ANKFN1: variants seen among roughly 807,000 people sequenced by gnomAD.
The protein encoded by ANKFN1 is ankyrin repeat and fibronectin type III domain containing 1.
A neutral mutation model predicts 108.7 loss-of-function variants in ANKFN1; 74 were observed. The observed-to-expected ratio is 0.68, with a 90% CI of 0.56 to 0.83. The LOEUF is 0.83. ANKFN1 is among the 40% of genes least tolerant of loss of function. ANKFN1 has a pLI of 0.00. For synonymous variants in ANKFN1, 547 were observed against 516.2 expected, an observed-to-expected ratio of 1.06 and a Z score of -0.81; for missense variants, 1,505 against 1,382.3, an observed-to-expected ratio of 1.09 and a Z score of -1.41.
rs531826225 is a variant in ANKFN1 at position 56,107,659 on chromosome 17, C to T, written c.288+61334C>T. ...TCCAGGGGGAATTGCTCCACATTAT[C>T]CAAACTTGCCTTTTCTCTCAGTCCA... On this transcript the variant is annotated intron_variant, in intron 4 of 12. Coordinates refer to the ANKFN1 transcript ENST00000635860. Among the ~76,000 whole-genome samples, 4 of 152,158 alleles carry T rather than the reference C, an allele frequency of 2.6e-5. No homozygotes were observed. In the South Asian group the frequency reaches 8.3e-4, roughly 32 times the overall value.
chr17:56,477,814 GT>G (rs1002770633), intron 16 of ANKFN1, among the ~76,000 whole-genome samples, 160 bp downstream of exon 16: 39 of 150,954 alleles, frequency 2.6e-4, no homozygotes, highest in African/African-American at 8.3e-4. Context: ...TAGTTTTGGG[GT>G]TTTTTTTTGT....
rs111737647 is a variant in ANKFN1, at chr17:56,091,109, G to A, written c.288+44784G>A. 6.6e-4 allele frequency among the ~76,000 whole-genome samples: 100 copies of A among 150,958 alleles called. 2 individuals are homozygous for A. Among genetic ancestry groups the A allele is most frequent in the Non-Finnish European group, 1.2e-3 (80 of 67,622 alleles). Reference sequence around the variant, plus strand: ...GGTCCAAAGCATAAGACGTAGTAGCGCCTCAAAAAATTCTTGTTGAAATAA... The same window carrying A: ...GGTCCAAAGCATAAGACGTAGTAGCACCTCAAAAAATTCTTGTTGAAATAA... On this transcript the variant is annotated intron_variant, in intron 4 of 12. Transcript: ENST00000635860.
chr17:56,170,774 TTATATATATATATATATATA>T (rs60304505), intron 1 of ANKFN1, among the ~76,000 whole-genome samples: 8 of 68,108 alleles, frequency 1.2e-4, no homozygotes, highest in African/African-American at 1.6e-4. Flanking sequence ...AAAAAATTTT[TTATATATATATATATATATA>T]TATATATATA....
chr17:56,275,523 A>C (rs2144208927), intron 3 of ANKFN1, among the ~76,000 whole-genome samples: 1 of 152,298 alleles, frequency 6.6e-6, no homozygotes, highest in East Asian at 1.9e-4. Context: ...GATTTAGTTG[A>C]AAGTTTAAGT....
intron 3 of ANKFN1, among the ~76,000 whole-genome samples, chr17:56,310,005 C>T (rs546970466): frequency 7.8e-4 from 118 of 152,200 alleles, no homozygotes; most frequent in African/African-American, 2.5e-3. Context: ...AGAGGATCAT[C>T]CGCTTCACAT....
chr17:56,083,197 A>G (rs991760863), intron 4 of ANKFN1, among the ~76,000 whole-genome samples: 3 of 148,066 alleles, frequency 2.0e-5, no homozygotes, highest in African/African-American at 7.9e-5. Context: ...ATGAAACTCA[A>G]CTGTGCCGAG....
At chr17:56,444,409 T>C (rs539113457) in intron 10 of ANKFN1, among the ~76,000 whole-genome samples, 15 of 152,332 alleles carry the variant, frequency 9.8e-5, no homozygotes, top group Admixed American at 9.8e-4. Flanking sequence ...CTTTTAGTTT[T>C]TTTAACTATG....
chr17:56,233,676 T>C (rs1044279448), intron 3 of ANKFN1, among the ~76,000 whole-genome samples: 2 of 151,994 alleles, frequency 1.3e-5, no homozygotes, highest in African/African-American at 4.8e-5. Context: ...ATGTGGCCCT[T>C]CCAGGTGGCA....
In ANKFN1 at chr17:56,318,826, G is replaced by A. The variant is rs186351366; in HGVS notation, c.54-7395G>A. Among the ~76,000 whole-genome samples, 17 of 152,228 alleles carry A rather than the reference G, an allele frequency of 1.1e-4. No homozygotes were observed. In the East Asian group the frequency reaches 1.7e-3, roughly 16 times the overall value. ...TCTGATTTCCAAGTGCTTGTTTGTCGTCATTGATAATGATCTGTTCCCAAG... is the reference window on the plus strand; with the variant it reads ...TCTGATTTCCAAGTGCTTGTTTGTCATCATTGATAATGATCTGTTCCCAAG... On this transcript the variant is annotated intron_variant, in intron 3 of 20. Transcript: ENST00000682825.
At chr17:56,155,863 A>C (rs1479811358) in intron 1 of ANKFN1, among the ~76,000 whole-genome samples, 1 of 152,176 alleles carries the variant, frequency 6.6e-6, no homozygotes, top group Non-Finnish European at 1.5e-5. Context: ...TGCGCAGAGG[A>C]TAGTGTTCTA....
intron 1 of ANKFN1, among the ~76,000 whole-genome samples, chr17:56,165,983 C>T (rs1555603732): frequency 6.6e-6 from 1 of 152,150 alleles, no homozygotes; most frequent in Non-Finnish European, 1.5e-5. Flanking sequence ...TTCCACATTT[C>T]AGTCTGCCTA....
At chr17:56,415,106 C>T (rs1037264498) in intron 8 of ANKFN1, among the ~76,000 whole-genome samples, 2 of 152,106 alleles carry the variant, frequency 1.3e-5, no homozygotes, top group African/African-American at 4.8e-5. Context: ...AGACTCACAG[C>T]CTTTGCTGAC....
At chr17:56,444,249 T>A (rs994634464) in intron 10 of ANKFN1, among the ~76,000 whole-genome samples, 1 of 152,238 alleles carries the variant, frequency 6.6e-6, no homozygotes, top group African/African-American at 2.4e-5. Context: ...GTAAGTTTTA[T>A]GTTTTATGTA....
At chr17:56,312,398 G>A (rs1361126815) in intron 3 of ANKFN1, among the ~76,000 whole-genome samples, 2 of 152,110 alleles carry the variant, frequency 1.3e-5, no homozygotes, top group African/African-American at 4.8e-5. Flanking sequence ...AGACCTCAGG[G>A]TTAGCATCTA....
At chr17:56,174,078 C>A in intron 1 of ANKFN1, 1 of 672,924 alleles carries the variant, frequency 1.5e-6, no homozygotes, top group Non-Finnish European at 1.8e-6. Context: ...CTATCAGGTG[C>A]CATTGCTGCC....
chr17:56,340,503 C>T (rs2045932933), intron 4 of ANKFN1, among the ~76,000 whole-genome samples: 1 of 151,996 alleles, frequency 6.6e-6, no homozygotes, highest in Non-Finnish European at 1.5e-5. Context: ...AGGAAGGGTT[C>T]CAGTTTCAGT....
At chr17:56,403,306 C>T (rs1326965609) in intron 8 of ANKFN1, among the ~76,000 whole-genome samples, 1 of 151,920 alleles carries the variant, frequency 6.6e-6, no homozygotes, top group African/African-American at 2.4e-5. Flanking sequence ...ATTTAAGTCC[C>T]CTACTATTAT....
chr17:56,299,761 A>G (rs370381842), intron 3 of ANKFN1, among the ~76,000 whole-genome samples: 5 of 152,336 alleles, frequency 3.3e-5, no homozygotes, highest in South Asian at 2.1e-4. Context: ...GGCTAGCACA[A>G]TAGCTGGCAC....
chr17:56,487,624 C>A lies in ANKFN1; in HGVS notation c.2261-4563C>A, dbSNP rs548397491. ...CTATATGCCAGGTACTGTGCTGGGA[C>A]TGAACCATACAGACATTAATAAGGC... On this transcript the variant is annotated intron_variant, in intron 18 of 20. Coordinates refer to ENST00000682825, the MANE Select transcript of ANKFN1 (RefSeq NM_001370326.1). Among the ~76,000 whole-genome samples, 3 of 152,230 alleles carry A rather than the reference C, an allele frequency of 2.0e-5. No individual in the cohort carries two copies. In the South Asian group the frequency reaches 6.2e-4, roughly 32 times the overall value.
Sources: gnomAD v4.1 joint callset for allele counts (sites outside exome capture counted in the v4.1 genomes callset) on GRCh38, gnomAD v4.1.1 for gene constraint, MANE v1.5 for transcripts, NCBI Gene and HGNC (gene_info 2026-07-23, HGNC 2026-07-21) for gene names.